The following GALNT13 variants were observed in gnomAD, a reference collection of about 807,000 sequenced individuals.
The protein encoded by GALNT13 is UDP-GalNAc:polypeptide N-acetylgalactosaminyltransferase 13.
GALNT13 carries 28 observed loss-of-function variants against 64.2 expected under a neutral mutation model. The observed-to-expected ratio is 0.44, with a 90% CI of 0.32 to 0.60. The LOEUF (loss-of-function observed/expected upper bound fraction) is 0.60. Among genes scored for constraint, GALNT13 ranks in the 20% least tolerant of loss-of-function variants. GALNT13 has a pLI of 0.05. For synonymous variants in GALNT13, 214 were observed against 224.6 expected, an observed-to-expected ratio of 0.95 and a Z score of 0.42; for missense variants, 577 against 669.8, an observed-to-expected ratio of 0.86 and a Z score of 1.53.
At chr2:153,476,106 A>G in the GALNT13 span, among the ~76,000 whole-genome samples, 1 of 152,220 alleles carries the variant, frequency 6.6e-6, no homozygotes, top group Non-Finnish European at 1.5e-5. Context: ...AACAAGCAAA[A>G]CTTCAAAATC....
chr2:154,146,171 C>CACATACACACATATATAT (rs1483097142), intron 4 of GALNT13, among the ~76,000 whole-genome samples: 4 of 151,266 alleles, frequency 2.6e-5, no homozygotes, highest in Non-Finnish European at 5.9e-5. Flanking sequence ...CACACGCATA[C>CACATACACACATATATAT]ACATACACAC....
chr2:153,368,404 G>A, the GALNT13 span, among the ~76,000 whole-genome samples: 350 of 152,222 alleles, frequency 2.3e-3, 2 homozygotes, highest in African/African-American at 8.1e-3. Context: ...CTATCACTCT[G>A]AATTTGGACT....
At chr2:153,319,598 C>A in the GALNT13 span, among the ~76,000 whole-genome samples, 1 of 152,002 alleles carries the variant, frequency 6.6e-6, no homozygotes, top group African/African-American at 2.4e-5. Context: ...TTTATTAAGC[C>A]AGATTTAAAT....
the GALNT13 span, among the ~76,000 whole-genome samples, chr2:153,812,095 A>G: frequency 0.43 from 65,803 of 152,010 alleles, 14,598 homozygotes; most frequent in Middle Eastern, 0.56. Flanking sequence ...CCTCCTCCAG[A>G]AGGTAACTTG....
chr2:153,794,309 A>G, the GALNT13 span, among the ~76,000 whole-genome samples: 1 of 152,120 alleles, frequency 6.6e-6, no homozygotes, highest in Non-Finnish European at 1.5e-5. Context: ...AATTTAGGAA[A>G]TTTTACTGGT....
chr2:153,356,200 G>C, the GALNT13 span, among the ~76,000 whole-genome samples: 55 of 152,262 alleles, frequency 3.6e-4, no homozygotes, highest in African/African-American at 1.3e-3. Flanking sequence ...TTATATATCA[G>C]TCACCCCAAA....
At chr2:154,327,020 A>T (rs1363466416) in intron 9 of GALNT13, among the ~76,000 whole-genome samples, 1 of 152,022 alleles carries the variant, frequency 6.6e-6, no homozygotes, top group African/African-American at 2.4e-5. Context: ...CCCAGATCTC[A>T]TCTTGAATTG....
chr2:153,873,826 TTCTC>T (rs529681559), intron 1 of GALNT13, among the ~76,000 whole-genome samples: 44 of 151,718 alleles, frequency 2.9e-4, no homozygotes, highest in African/African-American at 1.0e-3. Flanking sequence ...CTCTCTCTCT[TTCTC>T]TCTCTCTCTT....
chr2:153,315,132 A>G, the GALNT13 span, among the ~76,000 whole-genome samples: 1 of 152,288 alleles, frequency 6.6e-6, no homozygotes, highest in South Asian at 2.1e-4. Flanking sequence ...GAAAGGGGAC[A>G]TTTTCTACTT....
At chr2:153,693,691 G>A in the GALNT13 span, among the ~76,000 whole-genome samples, 3 of 152,000 alleles carry the variant, frequency 2.0e-5, no homozygotes, top group Non-Finnish European at 2.9e-5. Flanking sequence ...TGAGCCAAGT[G>A]GTTACATTCT....
intron 4 of GALNT13, among the ~76,000 whole-genome samples, chr2:154,240,058 TA>T (rs1328440607): frequency 6.6e-6 from 1 of 152,130 alleles, no homozygotes; most frequent in Non-Finnish European, 1.5e-5. Context: ...ATATTTTACA[TA>T]AAAAAATAAC....
the GALNT13 span, among the ~76,000 whole-genome samples, chr2:153,523,274 T>C: frequency 6.6e-6 from 1 of 152,136 alleles, no homozygotes; most frequent in South Asian, 2.1e-4. Flanking sequence ...CCAACTTTGT[T>C]CTTCTTACAT....
At chr2:153,969,403 T>G (rs1693597072) in intron 3 of GALNT13, among the ~76,000 whole-genome samples, 1 of 152,038 alleles carries the variant, frequency 6.6e-6, no homozygotes, top group African/African-American at 2.4e-5. Context: ...ATTCTCCTTT[T>G]AGGTTGCAAT....
At chr2:153,198,255 C>T in the GALNT13 span, among the ~76,000 whole-genome samples, 17 of 152,246 alleles carry the variant, frequency 1.1e-4, no homozygotes, top group African/African-American at 4.1e-4. Flanking sequence ...CACTCTGAAG[C>T]CAGTGCTCTT....
At chr2:153,234,702 T>G in the GALNT13 span, among the ~76,000 whole-genome samples, 1 of 152,186 alleles carries the variant, frequency 6.6e-6, no homozygotes, top group Non-Finnish European at 1.5e-5. Context: ...GTATTACATG[T>G]GCTCTCATAT....
At chr2:153,337,500 T>G in the GALNT13 span, among the ~76,000 whole-genome samples, 1 of 152,220 alleles carries the variant, frequency 6.6e-6, no homozygotes, top group African/African-American at 2.4e-5. Flanking sequence ...TACAGGATAT[T>G]TAAGAATTGA....
chr2:153,130,315 C>A, the GALNT13 span, among the ~76,000 whole-genome samples: 39 of 152,144 alleles, frequency 2.6e-4, no homozygotes, highest in Non-Finnish European at 4.9e-4. Context: ...TTTCCCATTT[C>A]ACTCAAAGTC....
chr2:154,056,109 G>A (rs1208405513), intron 3 of GALNT13, among the ~76,000 whole-genome samples: 2 of 152,022 alleles, frequency 1.3e-5, no homozygotes, highest in Non-Finnish European at 2.9e-5. Flanking sequence ...ATTGCTTAGA[G>A]CTGTGCAATT....
chr2:153,864,441 C>G, the GALNT13 span, among the ~76,000 whole-genome samples: 1 of 152,072 alleles, frequency 6.6e-6, no homozygotes, highest in Non-Finnish European at 1.5e-5. Context: ...AATGGGAGTT[C>G]ACTCATGATT....
Sources: gnomAD v4.1 joint callset for allele counts (sites outside exome capture counted in the v4.1 genomes callset) on GRCh38, gnomAD v4.1.1 for gene constraint, MANE v1.5 for transcripts, NCBI Gene and HGNC (gene_info 2026-07-23, HGNC 2026-07-21) for gene names.